Variants in GRM8 observed in about 807,000 individuals in gnomAD.
GRM8 encodes the protein metabotropic glutamate receptor 8.
A neutral mutation model predicts 87.2 loss-of-function variants in GRM8; 47 were observed. The ratio of observed to expected loss-of-function variants is 0.54; its 90% CI spans 0.43 to 0.69. GRM8 has a LOEUF of 0.69. Ranked by LOEUF, GRM8 falls within the 30% of genes least tolerant of loss-of-function variation. The probability of loss-of-function intolerance (pLI) is 0.00; values close to 1 mark genes in which losing one functional copy is unlikely to be tolerated. For missense variants in GRM8, 1,019 were observed against 1,139.2 expected, an observed-to-expected ratio of 0.89 and a Z score of 1.52; for synonymous variants, 396 against 404.5, an observed-to-expected ratio of 0.98 and a Z score of 0.25.
At chr7:126,781,432 T>C (rs1820064683) in intron 6 of GRM8, among the ~76,000 whole-genome samples, 2 of 152,272 alleles carry the variant, frequency 1.3e-5, no homozygotes, top group South Asian at 4.1e-4. Context: ...CAAGAATGTG[T>C]CATCATTCAA....
At chr7:126,891,078 C>G (rs945239222) in intron 6 of GRM8, among the ~76,000 whole-genome samples, 1 of 151,988 alleles carries the variant, frequency 6.6e-6, no homozygotes. Context: ...CATCCTCCTT[C>G]CCCCTCTTCC....
intron 6 of GRM8, among the ~76,000 whole-genome samples, chr7:126,898,641 T>C (rs1035955527): frequency 2.0e-5 from 3 of 152,214 alleles, no homozygotes; most frequent in Non-Finnish European, 2.9e-5. Flanking sequence ...GAGGCAGACA[T>C]GCCACAGAAT....
chr7:126,711,090 G>T lies in GRM8; in HGVS notation c.1357+58775C>A, dbSNP rs144513525. On this transcript the variant is annotated intron_variant, in intron 7 of 10. Transcript: ENST00000339582. ...CTCAGGAGGCTGAGGCATGAGAATCGCTTGAACCCAGGAGGTGGAGGTTGT... is the reference window on the plus strand; with the variant it reads ...CTCAGGAGGCTGAGGCATGAGAATCTCTTGAACCCAGGAGGTGGAGGTTGT... Among the ~76,000 whole-genome samples the T allele has an allele frequency of 2.8e-3, 429 of 152,290 alleles. 7 individuals carry two copies. The highest frequency in any genetic ancestry group is 9.8e-3 in the African/African-American group (408 of 41,560).
intron 6 of GRM8, among the ~76,000 whole-genome samples, chr7:126,825,575 A>G (rs1794687503): frequency 6.6e-6 from 1 of 152,184 alleles, no homozygotes; most frequent in Non-Finnish European, 1.5e-5. Context: ...AATATTGCAA[A>G]AGGCTATGCT....
At chr7:126,744,665 A>T (rs1247462343) in intron 7 of GRM8, among the ~76,000 whole-genome samples, 3 of 152,060 alleles carry the variant, frequency 2.0e-5, no homozygotes, top group Non-Finnish European at 4.4e-5. Context: ...ATTAATCTTT[A>T]TCAAACAATA....
intron 3 of GRM8, among the ~76,000 whole-genome samples, chr7:127,091,545 G>T (rs1167987438): frequency 1.4e-5 from 1 of 73,524 alleles, no homozygotes; most frequent in Non-Finnish European, 2.6e-5. Flanking sequence ...CCATCCCACT[G>T]GTCATCCCCA....
intron 7 of GRM8, among the ~76,000 whole-genome samples, chr7:126,762,561 G>C (rs1291992103): frequency 6.6e-6 from 1 of 152,044 alleles, no homozygotes; most frequent in Non-Finnish European, 1.5e-5. Flanking sequence ...AATTCTTTCT[G>C]AATAAATCTG....
At chr7:126,675,918 G>T (rs561363300) in intron 7 of GRM8, among the ~76,000 whole-genome samples, 32 of 152,230 alleles carry the variant, frequency 2.1e-4, no homozygotes, top group Non-Finnish European at 4.3e-4. Flanking sequence ...AAGAAGAAAG[G>T]TCATCCAAAT....
At chr7:126,699,770 G>A (rs1400826867) in intron 7 of GRM8, among the ~76,000 whole-genome samples, 1 of 152,120 alleles carries the variant, frequency 6.6e-6, no homozygotes, top group Non-Finnish European at 1.5e-5. Context: ...AGACAGAGTG[G>A]CCCAGAAATG....
chr7:126,807,675 C>T (rs1792914158), intron 6 of GRM8, among the ~76,000 whole-genome samples: 1 of 152,016 alleles, frequency 6.6e-6, no homozygotes, highest in South Asian at 2.1e-4. Flanking sequence ...AATGATTCTC[C>T]TAAAACCCTA....
chr7:127,160,923 C>A (rs941131943), intron 2 of GRM8, among the ~76,000 whole-genome samples: 11 of 151,954 alleles, frequency 7.2e-5, no homozygotes, highest in Non-Finnish European at 1.3e-4. Flanking sequence ...GGATCAAACA[C>A]CAAAAAGCAG....
intron 3 of GRM8, among the ~76,000 whole-genome samples, chr7:127,007,513 C>G (rs1036656210): frequency 6.6e-6 from 1 of 151,982 alleles, no homozygotes; most frequent in African/African-American, 2.4e-5. Context: ...TTACTATTAA[C>G]TTTTGACTTC....
In GRM8 at chr7:126,664,484, C is replaced by T. The variant is rs575321144; in HGVS notation, c.1358-54986G>A. 1.1e-4 allele frequency among the ~76,000 whole-genome samples: 16 copies of T among 151,650 alleles called. No homozygotes were observed. The South Asian group carries it at 2.9e-3, about 28-fold the overall frequency. ...ATAGGAAACCCAGAAATAAAGTCAT[C>T]CAATCTTCAACAAAGTTGACAAAAA... is the stretch of plus-strand genomic sequence containing the variant. On this transcript the variant is annotated intron_variant, in intron 7 of 10. Coordinates refer to ENST00000339582, the MANE Select transcript of GRM8 (RefSeq NM_000845.3).
intron 3 of GRM8, among the ~76,000 whole-genome samples, chr7:126,928,443 G>A (rs1349819141): frequency 1.3e-5 from 2 of 152,072 alleles, no homozygotes; most frequent in Non-Finnish European, 2.9e-5. Flanking sequence ...AGGCCAAGAT[G>A]GGTGGATGGC....
At chr7:126,936,218 C>T (rs1301329188) in intron 3 of GRM8, among the ~76,000 whole-genome samples, 3 of 152,126 alleles carry the variant, frequency 2.0e-5, no homozygotes, top group Admixed American at 6.5e-5. Context: ...CGTTTGATCA[C>T]TTGTCCTGTG....
chr7:127,233,120 G>A (rs1797790381), intron 2 of GRM8, among the ~76,000 whole-genome samples: 1 of 152,126 alleles, frequency 6.6e-6, no homozygotes, highest in South Asian at 2.1e-4. Context: ...GTGAGCCACC[G>A]CACCCAGCCT....
intron 7 of GRM8, among the ~76,000 whole-genome samples, chr7:126,652,561 A>G (rs953515927): frequency 2.6e-5 from 4 of 152,204 alleles, no homozygotes; most frequent in Non-Finnish European, 5.9e-5. Flanking sequence ...ATCAGCTGCC[A>G]GCATGGCCAG....
chr7:126,702,110 G>A (rs1809999036), intron 7 of GRM8, among the ~76,000 whole-genome samples: 1 of 152,176 alleles, frequency 6.6e-6, no homozygotes, highest in Non-Finnish European at 1.5e-5. Context: ...CAACACATTT[G>A]TGCTAGCATT....
intron 8 of GRM8, among the ~76,000 whole-genome samples, chr7:126,598,920 A>G (rs2151067239): frequency 6.6e-6 from 1 of 152,186 alleles, no homozygotes; most frequent in East Asian, 1.9e-4. Context: ...CTGTTCTGGG[A>G]GCTCAGAATC....
Sources: gnomAD v4.1 joint callset for allele counts (sites outside exome capture counted in the v4.1 genomes callset) on GRCh38, gnomAD v4.1.1 for gene constraint, MANE v1.5 for transcripts, NCBI Gene and HGNC (gene_info 2026-07-23, HGNC 2026-07-21) for gene names.